ANKH: variants seen among roughly 807,000 people sequenced by gnomAD.
ANKH encodes ANKH inorganic pyrophosphate transport regulator.
In ANKH, 15 loss-of-function variants were observed where a neutral mutation model predicts 49.0. The ratio of observed to expected loss-of-function variants is 0.31; its 90% CI spans 0.20 to 0.47. ANKH has a LOEUF of 0.47. Ranked by LOEUF, ANKH falls within the 20% of genes least tolerant of loss-of-function variation. The pLI is 1.00. For missense variants in ANKH, 429 were observed against 652.0 expected, an observed-to-expected ratio of 0.66 and a Z score of 3.72; for synonymous variants, 273 against 260.0, an observed-to-expected ratio of 1.05 and a Z score of -0.48.
chr5:14,762,389 C>T (rs1233450015), intron 2 of ANKH, among the ~76,000 whole-genome samples: 2 of 152,188 alleles, frequency 1.3e-5, no homozygotes, highest in Non-Finnish European at 2.9e-5. Flanking sequence ...ACTCTTGCCT[C>T]CTTCAGCATC....
chr5:14,777,333 A>G (rs932997762), intron 1 of ANKH, among the ~76,000 whole-genome samples: 1 of 152,212 alleles, frequency 6.6e-6, no homozygotes, highest in Admixed American at 6.5e-5. Flanking sequence ...ATCTGGGTCC[A>G]GAAAGTATTG....
intron 1 of ANKH, among the ~76,000 whole-genome samples, chr5:14,785,316 T>C (rs1209197808): frequency 6.6e-6 from 1 of 152,142 alleles, no homozygotes; most frequent in Non-Finnish European, 1.5e-5. Context: ...GAGAGGATCT[T>C]GGGGGTGGAT....
intron 1 of ANKH, among the ~76,000 whole-genome samples, chr5:14,867,264 G>T (rs931268599): frequency 1.3e-5 from 2 of 151,996 alleles, no homozygotes; most frequent in African/African-American, 4.8e-5. Context: ...ATAAAGACCA[G>T]GTGGGTATGG....
In ANKH at chr5:14,754,870, G is replaced by A. The variant is rs1045161298; in HGVS notation, c.516+991C>T. ...GTGGGCAGATCACCTGAGGTCAGGA[G>A]TTTGAGACCAACCTCGCCAATATGA... On this transcript the variant is annotated intron_variant, in intron 4 of 11. Transcript: ENST00000284268. Among the ~76,000 whole-genome samples, 10 of 152,260 alleles carry A rather than the reference G, an allele frequency of 6.6e-5. No individual in the cohort carries two copies. In the South Asian group the frequency reaches 1.7e-3, roughly 25 times the overall value.
intron 1 of ANKH, among the ~76,000 whole-genome samples, chr5:14,866,226 G>A (rs986378303): frequency 2.0e-5 from 3 of 152,130 alleles, no homozygotes; most frequent in Admixed American, 2.0e-4. Flanking sequence ...GGCTGCTCTT[G>A]AACTCCTGAC....
In ANKH at chr5:14,755,897, C is replaced by G. The variant is rs749656900; in HGVS notation, c.480G>C (p.Leu160=). The G allele has an allele frequency of 5.6e-6, 9 of 1,614,100 alleles. No individual in the cohort carries two copies. Among genetic ancestry groups the G allele is most frequent in the South Asian group, 2.2e-5 (2 of 91,082 alleles). ...GILLKHKYSF[L]VGCASISDVI... is the part of the protein sequence containing the mutation. Reference sequence around the variant, plus strand: ...CATCTGAGATTGAGGCACATCCCACCAGGAAACTGTATTTGTGTTTTAAGA... The same window carrying G: ...CATCTGAGATTGAGGCACATCCCACGAGGAAACTGTATTTGTGTTTTAAGA... Residue 160 remains leucine, a synonymous_variant, in exon 4 of 12, where the codon CTG becomes CTC. Transcript: ENST00000284268.
chr5:14,857,754 G>A (rs979082889), intron 1 of ANKH, among the ~76,000 whole-genome samples: 1 of 152,164 alleles, frequency 6.6e-6, no homozygotes, highest in Non-Finnish European at 1.5e-5. Flanking sequence ...GGTGTGGCTG[G>A]AGAGAACTAA....
At position 14,798,034 on chromosome 5, in the gene ANKH, G is replaced by A. The variant is rs1300950224; in HGVS notation, c.97-28843C>T. On this transcript the variant is annotated intron_variant, in intron 1 of 11. Coordinates refer to ENST00000284268, the MANE Select transcript of ANKH (RefSeq NM_054027.6). ...CGGGCCCTGTTTACTTTTCCTTCATGGTTGATCTTGATTTCTATTTCAATT... is the reference window on the plus strand; with the variant it reads ...CGGGCCCTGTTTACTTTTCCTTCATAGTTGATCTTGATTTCTATTTCAATT... 3.2e-6 allele frequency: 5 copies of A among 1,581,276 alleles called. No homozygotes were observed. The African/African-American group carries it at 4.0e-5, about 13-fold the overall frequency.
chr5:14,785,024 G>A (rs956870550), intron 1 of ANKH, among the ~76,000 whole-genome samples: 1 of 152,208 alleles, frequency 6.6e-6, no homozygotes, highest in African/African-American at 2.4e-5. Context: ...GCCGCGTGCG[G>A]TGGCTTGGAC....
At chr5:14,746,941 T>TC (rs1738560799) in intron 6 of ANKH, among the ~76,000 whole-genome samples, 1 of 152,200 alleles carries the variant, frequency 6.6e-6, no homozygotes, top group South Asian at 2.1e-4. Context: ...TCAACCCAGG[T>TC]CCACCTGACT....
At chr5:14,735,289 C>T (rs1368475299) in intron 8 of ANKH, among the ~76,000 whole-genome samples, 1 of 152,140 alleles carries the variant, frequency 6.6e-6, no homozygotes, top group Non-Finnish European at 1.5e-5. Context: ...GACACAGGGC[C>T]ACACTGCATA....
At chr5:14,858,571 C>T (rs1181385232) in intron 1 of ANKH, among the ~76,000 whole-genome samples, 2 of 151,936 alleles carry the variant, frequency 1.3e-5, no homozygotes, top group African/African-American at 4.8e-5. Context: ...CAAAAATTAG[C>T]CAGGCATGGT....
intron 1 of ANKH, among the ~76,000 whole-genome samples, chr5:14,820,938 A>C (rs2126586287): frequency 6.6e-6 from 1 of 152,260 alleles, no homozygotes; most frequent in East Asian, 1.9e-4. Flanking sequence ...CTCTACCAGA[A>C]ATACAAACAA....
At chr5:14,832,629 GAAGT>G (rs1741537015) in intron 1 of ANKH, among the ~76,000 whole-genome samples, 1 of 152,190 alleles carries the variant, frequency 6.6e-6, no homozygotes, top group Admixed American at 6.5e-5. Context: ...GGAGTTGGAG[GAAGT>G]AAGTTTCCAA....
intron 8 of ANKH, among the ~76,000 whole-genome samples, chr5:14,723,740 C>T (rs79252509): frequency 0.016 from 2,455 of 152,252 alleles, 75 homozygotes; most frequent in African/African-American, 0.055. Context: ...AGCCATTGAC[C>T]GTGAAGTGTC....
At chr5:14,729,632 G>C (rs1389606861) in intron 8 of ANKH, among the ~76,000 whole-genome samples, 1 of 152,152 alleles carries the variant, frequency 6.6e-6, no homozygotes, top group Non-Finnish European at 1.5e-5. Context: ...CCAAGAAGAG[G>C]TGGTCAGAGC....
chr5:14,771,746 C>A (rs532273825), intron 1 of ANKH, among the ~76,000 whole-genome samples: 26 of 151,842 alleles, frequency 1.7e-4, no homozygotes, highest in African/African-American at 6.0e-4. Context: ...CATGGTGAAA[C>A]CCCGTCTCTA....
chr5:14,804,463 T>C (rs936734647), intron 1 of ANKH, among the ~76,000 whole-genome samples: 1 of 152,210 alleles, frequency 6.6e-6, no homozygotes, highest in Non-Finnish European at 1.5e-5. Context: ...ATAAGTAGTG[T>C]TGAACGGCAG....
intron 1 of ANKH, among the ~76,000 whole-genome samples, chr5:14,820,752 C>A (rs1461486346): frequency 6.6e-6 from 1 of 152,182 alleles, no homozygotes. Flanking sequence ...GGGAGCTTAA[C>A]TAAAGTTTGG....
Sources: allele counts gnomAD v4.1 joint callset (sites outside exome capture counted in the v4.1 genomes callset), GRCh38; gene constraint gnomAD v4.1.1; transcripts MANE v1.5; gene names NCBI Gene and HGNC (gene_info 2026-07-23, HGNC 2026-07-21).